Variants in LRRC8C observed in about 807,000 individuals in gnomAD.
LRRC8C encodes volume-regulated anion channel subunit LRRC8C.
A neutral mutation model predicts 55.3 loss-of-function variants in LRRC8C; 20 were observed. That is an observed-to-expected ratio of 0.36 (90% CI 0.25 to 0.53). LRRC8C has a LOEUF of 0.53. Ranked by LOEUF, LRRC8C falls within the 20% of genes least tolerant of loss-of-function variation. The pLI is 0.92. For missense variants in LRRC8C, 659 were observed against 951.4 expected (o/e 0.69, Z 4.04); for synonymous variants, 376 against 360.7 (o/e 1.04, Z -0.48).
At position 89,718,690 on chromosome 1, in the gene LRRC8C, G is replaced by T. The variant is rs928783927; in HGVS notation, c.*3708G>T. The T allele has an allele frequency of 6.6e-6, 1 of 152,118 alleles. No homozygotes were observed. Among genetic ancestry groups the T allele is most frequent in the Non-Finnish European group, 1.5e-5 (1 of 67,992 alleles). The allele number at this position is 152,118 out of a possible 1,614,324, so 9.4% of individuals were successfully genotyped here. A position where few individuals can be genotyped will look rare whatever the true frequency, so the allele number is the denominator to read the frequency against. ...AGTAGTGAACAGATAAAGTCAATTT[G>T]AATATAATTCCACTTTGTTTTTAGA... On this transcript the variant is annotated 3_prime_UTR_variant, in exon 3 of 3. Transcript: ENST00000370454.
chr1:89,686,525 C>T lies in LRRC8C; in HGVS notation c.52C>T (p.Arg18Ter), dbSNP rs374852558. 14 of 1,614,030 alleles carry T rather than the reference C, an allele frequency of 8.7e-6. No individual in the cohort carries two copies. Among genetic ancestry groups the T allele is most frequent in the Non-Finnish European group, 1.2e-5 (14 of 1,180,012 alleles). ...GTTCTCTGAGCAGCAGCCTGCCTTC[C>T]GAGTGCTGAAGCCATGGTGGGATGT... ...RQFSEQQPAF[R>*]VLKPWWDVFT... The change falls in exon 2 of 3, where the codon CGA becomes TGA. Residue 18 changes from arginine (R) to a stop codon, truncating the protein, a stop_gained. Coordinates refer to ENST00000370454, the MANE Select transcript of LRRC8C (RefSeq NM_032270.5). LOFTEE classifies it high-confidence loss of function.
intron 1 of LRRC8C, among the ~76,000 whole-genome samples, chr1:89,641,134 CAT>C (rs1656442791): frequency 6.6e-6 from 1 of 152,126 alleles, no homozygotes; most frequent in African/African-American, 2.4e-5. Context: ...AGGAAGACAA[CAT>C]GTGATTAGAG....
chr1:89,621,334 TGGCA>T, the LRRC8C span, among the ~76,000 whole-genome samples: 8 of 147,680 alleles, frequency 5.4e-5, no homozygotes, highest in Non-Finnish European at 1.2e-4. Flanking sequence ...CCAGGCGTGG[TGGCA>T]GGCGCCTGTA....
At chr1:89,658,132 G>A (rs1657002636) in intron 1 of LRRC8C, among the ~76,000 whole-genome samples, 1 of 152,090 alleles carries the variant, frequency 6.6e-6, no homozygotes, top group Non-Finnish European at 1.5e-5. Context: ...ATGTTCTTTG[G>A]CCACACTACT....
intron 1 of LRRC8C, among the ~76,000 whole-genome samples, chr1:89,673,288 G>A (rs995368987): frequency 5.9e-5 from 9 of 152,086 alleles, no homozygotes; most frequent in Non-Finnish European, 1.3e-4. Flanking sequence ...TGATGAAGTT[G>A]CTGAGAAAAA....
intron 1 of LRRC8C, among the ~76,000 whole-genome samples, chr1:89,643,108 T>C (rs1484514415): frequency 6.6e-6 from 1 of 152,220 alleles, no homozygotes; most frequent in Non-Finnish European, 1.5e-5. Context: ...TTGTTTGTTT[T>C]TGAGACAGGG....
chr1:89,625,815 T>C, the LRRC8C span, among the ~76,000 whole-genome samples: 66 of 152,332 alleles, frequency 4.3e-4, no homozygotes, highest in Admixed American at 1.0e-3. Flanking sequence ...AATTAGATGC[T>C]TCGTCAGGGC....
At chr1:89,664,873 G>T (rs1448360854) in intron 1 of LRRC8C, among the ~76,000 whole-genome samples, 1 of 152,126 alleles carries the variant, frequency 6.6e-6, no homozygotes, top group African/African-American at 2.4e-5. Context: ...CTTGCAAGTT[G>T]TGTTCCTAGG....
At position 89,686,405 on chromosome 1, in the gene LRRC8C, T is replaced by G. The variant is rs1038109690; in HGVS notation, c.-4-65T>G. 17 of 1,562,332 alleles carry G rather than the reference T, an allele frequency of 1.1e-5. No homozygotes were observed. In the East Asian group the frequency reaches 1.1e-4, roughly 10 times the overall value. On this transcript the variant is annotated intron_variant, in intron 1 of 2. Coordinates refer to ENST00000370454, the MANE Select transcript of LRRC8C (RefSeq NM_032270.5). Reference sequence around the variant, plus strand: ...TGCTGTGAGGAGTTGGAGCCACATTTGGTAACAATGCAGTATGTTGTACTG... The same window carrying G: ...TGCTGTGAGGAGTTGGAGCCACATTGGGTAACAATGCAGTATGTTGTACTG...
chr1:89,710,024 T>C (rs1658605186), intron 2 of LRRC8C, among the ~76,000 whole-genome samples: 1 of 152,216 alleles, frequency 6.6e-6, no homozygotes, highest in African/African-American at 2.4e-5. Context: ...ATGCTGGGAT[T>C]ACAGGCGTGA....
chr1:89,683,511 C>T (rs527984804), intron 1 of LRRC8C, among the ~76,000 whole-genome samples: 3 of 152,092 alleles, frequency 2.0e-5, no homozygotes, highest in East Asian at 3.9e-4. Flanking sequence ...GTGCATGCCA[C>T]CACGCCCAGC....
intron 1 of LRRC8C, among the ~76,000 whole-genome samples, chr1:89,634,115 C>T (rs1656215289): frequency 6.6e-6 from 1 of 152,208 alleles, no homozygotes; most frequent in Non-Finnish European, 1.5e-5. Context: ...CAGCAAAGTC[C>T]AAACAGTTTC....
chr1:89,707,635 G>GGTGTGTGT (rs1247177777), intron 2 of LRRC8C, among the ~76,000 whole-genome samples: 2 of 140,808 alleles, frequency 1.4e-5, no homozygotes, highest in African/African-American at 5.3e-5. Context: ...AGGTGTGGCT[G>GGTGTGTGT]GTGTGTGTGT....
intron 1 of LRRC8C, among the ~76,000 whole-genome samples, chr1:89,679,668 G>A (rs1657644423): frequency 6.6e-6 from 1 of 152,178 alleles, no homozygotes; most frequent in Non-Finnish European, 1.5e-5. Flanking sequence ...CATGTGCTCA[G>A]GAACTATTAA....
intron 1 of LRRC8C, among the ~76,000 whole-genome samples, chr1:89,670,880 C>T (rs1657394197): frequency 6.6e-6 from 1 of 152,132 alleles, no homozygotes; most frequent in African/African-American, 2.4e-5. Context: ...CTTGGCAAAC[C>T]ACCTGCAGGA....
rs575808100 is a variant in LRRC8C, at chr1:89,716,462, G to A, written c.*1480G>A. On this transcript the variant is annotated 3_prime_UTR_variant, in exon 3 of 3. Coordinates refer to ENST00000370454, the MANE Select transcript of LRRC8C (RefSeq NM_032270.5). Reference sequence around the variant, plus strand: ...CGTTAAAGTGTGAATAAATTGCTAAGTGGTTGTTGCTTAGCAATAATTTTT... The same window carrying A: ...CGTTAAAGTGTGAATAAATTGCTAAATGGTTGTTGCTTAGCAATAATTTTT... 6.6e-6 allele frequency: 1 copy of A among 152,330 alleles called. No individual in the cohort carries two copies. Among genetic ancestry groups the A allele is most frequent in the Non-Finnish European group, 1.5e-5 (1 of 68,016 alleles). The allele number at this position is 152,330 out of a possible 1,614,324, so 9.4% of individuals were successfully genotyped here.
At chr1:89,682,204 G>A (rs150747725) in intron 1 of LRRC8C, among the ~76,000 whole-genome samples, 3 of 152,258 alleles carry the variant, frequency 2.0e-5, no homozygotes, top group African/African-American at 7.2e-5. Flanking sequence ...TGCAATAATA[G>A]TTGTGTTGTA....
chr1:89,682,414 A>T (rs1657741082), intron 1 of LRRC8C, among the ~76,000 whole-genome samples: 1 of 152,174 alleles, frequency 6.6e-6, no homozygotes, highest in Non-Finnish European at 1.5e-5. Context: ...ACCTGTTGTG[A>T]GTATTCAGGT....
intron 2 of LRRC8C, among the ~76,000 whole-genome samples, chr1:89,693,480 C>A (rs778233219): frequency 9.2e-5 from 14 of 152,096 alleles, no homozygotes; most frequent in Non-Finnish European, 2.1e-4. Context: ...TCTAGTAGAT[C>A]TTTTTCTTTG....
Sources: gnomAD v4.1 joint callset for allele counts (sites outside exome capture counted in the v4.1 genomes callset) on GRCh38, gnomAD v4.1.1 for gene constraint, MANE v1.5 for transcripts, NCBI Gene and HGNC (gene_info 2026-07-23, HGNC 2026-07-21) for gene names.